Variants in PUDP observed in about 807,000 individuals in gnomAD.
PUDP encodes pseudouridine 5'-phosphatase.
In PUDP, 8 loss-of-function variants were observed where a neutral mutation model predicts 9.4. That is an observed-to-expected ratio of 0.85 (90% CI 0.50 to 1.53). PUDP has a LOEUF of 1.53. PUDP is among the 40% of genes most tolerant of loss of function. PUDP has a pLI of 0.00. For synonymous variants in PUDP, 99 were observed against 80.7 expected (o/e 1.23, Z -1.22); for missense variants, 188 against 189.7 (o/e 0.99, Z 0.05).
intron 3 of PUDP, among the ~76,000 whole-genome samples, chrX:6,749,911 T>A (rs969925651): frequency 4.5e-5 from 5 of 111,804 alleles, no homozygotes; most frequent in African/African-American, 1.6e-4. Context: ...CTTCCAGCAA[T>A]GATTTTTGCC....
At chrX:6,955,537 C>G (rs1928615476) in intron 3 of PUDP, among the ~76,000 whole-genome samples, 1 of 111,530 alleles carries the variant, frequency 9.0e-6, no homozygotes, top group Admixed American at 9.5e-5. Flanking sequence ...GTGCTAGGAT[C>G]ACAGACAATT....
chrX:7,106,496 G>T (rs773855941), intron 1 of PUDP, among the ~76,000 whole-genome samples: 1 of 112,345 alleles, frequency 8.9e-6, no homozygotes, highest in South Asian at 3.7e-4. Context: ...GCTAATAATA[G>T]TACCAGTACC....
intron 3 of PUDP, among the ~76,000 whole-genome samples, chrX:6,913,365 A>G (rs1270945169): frequency 2.7e-5 from 3 of 111,648 alleles, no homozygotes; most frequent in African/African-American, 9.8e-5. Context: ...TTGTGGAAAG[A>G]CTCTGTGGAA....
chrX:7,034,593 T>C (rs1470423569), intron 1 of PUDP, among the ~76,000 whole-genome samples: 1 of 112,325 alleles, frequency 8.9e-6, no homozygotes, highest in African/African-American at 3.2e-5. Context: ...AATCTGTTCA[T>C]CCATGCATCT....
chrX:6,922,281 G>A (rs1348498665), intron 3 of PUDP, among the ~76,000 whole-genome samples: 1 of 111,792 alleles, frequency 8.9e-6, no homozygotes, highest in Non-Finnish European at 1.9e-5. Flanking sequence ...TAACTCAGAG[G>A]ATAAATGCTT....
At chrX:6,991,561 C>T (rs1929177480) in intron 1 of PUDP, among the ~76,000 whole-genome samples, 1 of 108,936 alleles carries the variant, frequency 9.2e-6, no homozygotes, top group Non-Finnish European at 1.9e-5. Flanking sequence ...GCCTATAGTT[C>T]CAGCTTCTTG....
intron 3 of PUDP, among the ~76,000 whole-genome samples, chrX:6,957,051 G>T (rs1171904816): frequency 8.9e-6 from 1 of 112,194 alleles, no homozygotes; most frequent in Non-Finnish European, 1.9e-5. Context: ...AAAATTTAAA[G>T]AAAACCACTT....
intron 1 of PUDP, among the ~76,000 whole-genome samples, chrX:7,126,733 C>A (rs773219887): frequency 9.0e-6 from 1 of 111,355 alleles, no homozygotes; most frequent in Non-Finnish European, 1.9e-5. Flanking sequence ...ATTCTGAGGT[C>A]CTGGGGTTAG....
intron 3 of PUDP, among the ~76,000 whole-genome samples, chrX:6,751,418 G>A (rs1925081608): frequency 9.0e-6 from 1 of 111,130 alleles, no homozygotes; most frequent in Admixed American, 9.6e-5. Flanking sequence ...GGAAATGGAG[G>A]GACATTTTGG....
chrX:7,094,578 G>A (rs1426054256), intron 2 of PUDP, among the ~76,000 whole-genome samples: 3 of 110,569 alleles, frequency 2.7e-5, no homozygotes, highest in African/African-American at 6.6e-5. Context: ...GGATGGTCTC[G>A]ATCGATCTCC....
intron 3 of PUDP, among the ~76,000 whole-genome samples, chrX:7,076,290 T>C (rs953497363): frequency 1.8e-5 from 2 of 111,817 alleles, no homozygotes; most frequent in African/African-American, 3.3e-5. Context: ...GACCTCTCAC[T>C]GAAAGGCTCT....
intron 1 of PUDP, among the ~76,000 whole-genome samples, chrX:6,996,273 G>A (rs1051892735): frequency 9.8e-5 from 11 of 111,710 alleles, no homozygotes; most frequent in Non-Finnish European, 2.1e-4. Context: ...AGAGGAGCAT[G>A]AGAAACAAAT....
chrX:6,769,634 G>A, intron 3 of PUDP, among the ~76,000 whole-genome samples: 1 of 112,097 alleles, frequency 8.9e-6, no homozygotes, highest in Non-Finnish European at 1.9e-5. Context: ...GGTGTTTCGA[G>A]TTCATCTTTT....
intron 3 of PUDP, among the ~76,000 whole-genome samples, chrX:6,897,143 G>C (rs1872596208): frequency 9.0e-6 from 1 of 111,463 alleles, no homozygotes; most frequent in Non-Finnish European, 1.9e-5. Context: ...GTCAGGAGTA[G>C]AAGTCAGCAA....
At chrX:6,940,892 C>A (rs1189384980) in intron 3 of PUDP, among the ~76,000 whole-genome samples, 1 of 111,890 alleles carries the variant, frequency 8.9e-6, no homozygotes, top group Admixed American at 9.6e-5. Flanking sequence ...ATATGTATTT[C>A]AATTTTCACT....
intron 1 of PUDP, among the ~76,000 whole-genome samples, chrX:7,125,854 T>G (rs1932472096): frequency 9.1e-6 from 1 of 110,271 alleles, no homozygotes; most frequent in Admixed American, 9.7e-5. Context: ...GGGAAAGACC[T>G]GCCCCCATGA....
At chrX:7,004,406 G>C (rs982241088) in intron 1 of PUDP, among the ~76,000 whole-genome samples, 4 of 111,041 alleles carry the variant, frequency 3.6e-5, no homozygotes, top group African/African-American at 1.3e-4. Context: ...TGCCAAGTAT[G>C]AGCCAGGTAA....
chrX:6,770,902 G>A (rs765260444), intron 3 of PUDP, among the ~76,000 whole-genome samples: 4 of 111,715 alleles, frequency 3.6e-5, no homozygotes, highest in African/African-American at 9.8e-5. Flanking sequence ...TCTCATGACA[G>A]AAGTCATCAT....
chrX:6,932,328 C>G (rs1383644643), intron 3 of PUDP, among the ~76,000 whole-genome samples: 1 of 111,881 alleles, frequency 8.9e-6, no homozygotes, highest in Non-Finnish European at 1.9e-5. Flanking sequence ...CATGATTAAA[C>G]GTGTGAGGCG....
Sources: allele counts gnomAD v4.1 joint callset (sites outside exome capture counted in the v4.1 genomes callset), GRCh38; gene constraint gnomAD v4.1.1; transcripts MANE v1.5; gene names NCBI Gene and HGNC (gene_info 2026-07-23, HGNC 2026-07-21).